SGCZ: variants seen among roughly 807,000 people sequenced by gnomAD.
SGCZ encodes sarcoglycan zeta, also known as zeta-sarcoglycan.
In SGCZ, 40 loss-of-function variants were observed where a neutral mutation model predicts 41.3. The observed-to-expected ratio is 0.97, with a 90% CI of 0.75 to 1.26. SGCZ has a LOEUF of 1.26. SGCZ is among the 50% of genes most tolerant of loss of function. SGCZ has a pLI of 0.00. For synonymous variants in SGCZ, 206 were observed against 137.5 expected, an observed-to-expected ratio of 1.50 and a Z score of -3.49; for missense variants, 552 against 369.8, an observed-to-expected ratio of 1.49 and a Z score of -4.04.
At chr8:14,476,266 A>G (rs1430313451) in intron 2 of SGCZ, among the ~76,000 whole-genome samples, 3 of 152,072 alleles carry the variant, frequency 2.0e-5, no homozygotes, top group Non-Finnish European at 4.4e-5. Context: ...GGTATCATCC[A>G]ACTCACTGGG....
chr8:14,606,728 C>A (rs1454195292), intron 1 of SGCZ, among the ~76,000 whole-genome samples: 1 of 152,138 alleles, frequency 6.6e-6, no homozygotes, highest in Non-Finnish European at 1.5e-5. Flanking sequence ...ACAGCAAAAT[C>A]CCTGGCACAT....
intron 1 of SGCZ, among the ~76,000 whole-genome samples, chr8:15,011,075 C>T (rs1157023386): frequency 6.6e-6 from 1 of 152,136 alleles, no homozygotes; most frequent in Non-Finnish European, 1.5e-5. Context: ...CCAAAATGGA[C>T]AAAGCCAATC....
At chr8:14,634,367 T>C (rs1201855413) in intron 1 of SGCZ, among the ~76,000 whole-genome samples, 1 of 151,878 alleles carries the variant, frequency 6.6e-6, no homozygotes, top group Non-Finnish European at 1.5e-5. Context: ...TTTTGTATTT[T>C]TTTTGTTCTG....
chr8:14,315,957 A>G (rs1161498516), intron 3 of SGCZ, among the ~76,000 whole-genome samples: 1 of 151,674 alleles, frequency 6.6e-6, no homozygotes, highest in East Asian at 1.9e-4. Context: ...GTAAAGGGAA[A>G]ATTTTGTACG....
chr8:14,137,729 G>C (rs1388421383), intron 5 of SGCZ, among the ~76,000 whole-genome samples: 1 of 152,174 alleles, frequency 6.6e-6, no homozygotes, highest in Non-Finnish European at 1.5e-5. Flanking sequence ...GTGATGGGGA[G>C]AATGGACCCA....
At chr8:14,277,966 C>A (rs1478842848) in intron 3 of SGCZ, among the ~76,000 whole-genome samples, 3 of 152,116 alleles carry the variant, frequency 2.0e-5, no homozygotes, top group Non-Finnish European at 4.4e-5. Flanking sequence ...CATGCCCAGA[C>A]AGAATTTTTA....
intron 4 of SGCZ, among the ~76,000 whole-genome samples, chr8:14,184,460 G>A (rs1804838318): frequency 6.6e-6 from 1 of 152,020 alleles, no homozygotes; most frequent in East Asian, 1.9e-4. Context: ...TATATTTCAG[G>A]CATTATTAGG....
chr8:14,364,364 G>A (rs572893728), intron 2 of SGCZ, among the ~76,000 whole-genome samples: 1 of 152,008 alleles, frequency 6.6e-6, no homozygotes, highest in East Asian at 1.9e-4. Context: ...TTTTTTTCTG[G>A]TCCACATACA....
intron 1 of SGCZ, among the ~76,000 whole-genome samples, chr8:14,599,133 C>T (rs1055654941): frequency 5.9e-5 from 9 of 152,150 alleles, no homozygotes; most frequent in African/African-American, 1.9e-4. Flanking sequence ...CATCTCCGTA[C>T]ATCAATTTCA....
intron 2 of SGCZ, among the ~76,000 whole-genome samples, chr8:14,360,088 A>C (rs1046102109): frequency 2.0e-5 from 3 of 152,114 alleles, no homozygotes; most frequent in African/African-American, 7.2e-5. Flanking sequence ...CACTCAAAAA[A>C]CTGGGTATAG....
At chr8:14,560,522 C>G (rs181941963) in intron 1 of SGCZ, among the ~76,000 whole-genome samples, 2 of 151,896 alleles carry the variant, frequency 1.3e-5, no homozygotes, top group Non-Finnish European at 1.5e-5. Flanking sequence ...GGAGACCTTC[C>G]CCTTGTAGAG....
At chr8:14,391,698 G>C (rs549972841) in intron 2 of SGCZ, among the ~76,000 whole-genome samples, 2 of 152,210 alleles carry the variant, frequency 1.3e-5, no homozygotes, top group South Asian at 4.1e-4. Context: ...TGACGAACGG[G>C]AGTGTTTTAG....
At chr8:14,871,888 GTATA>G (rs917772576) in intron 1 of SGCZ, among the ~76,000 whole-genome samples, 2 of 149,342 alleles carry the variant, frequency 1.3e-5, no homozygotes, top group African/African-American at 5.0e-5. Context: ...ATATATGTAT[GTATA>G]TATGTATGTA....
chr8:14,254,396 T>A (rs531703242), intron 3 of SGCZ, among the ~76,000 whole-genome samples: 3 of 152,250 alleles, frequency 2.0e-5, no homozygotes, highest in Non-Finnish European at 4.4e-5. Flanking sequence ...TGCCCTGCAC[T>A]GCTGGCACTG....
At chr8:14,422,112 T>A (rs186259480) in intron 2 of SGCZ, among the ~76,000 whole-genome samples, 141 of 152,290 alleles carry the variant, frequency 9.3e-4, no homozygotes, top group Non-Finnish European at 1.3e-3. Context: ...AACAGTGGGT[T>A]CATTCAAAAT....
intron 3 of SGCZ, among the ~76,000 whole-genome samples, chr8:14,280,637 T>C (rs768696640): frequency 6.6e-6 from 1 of 151,958 alleles, no homozygotes; most frequent in African/African-American, 2.4e-5. Flanking sequence ...TTTCTAAATA[T>C]TAAGAAATGG....
At chr8:15,122,606 C>G (rs189920316) in intron 1 of SGCZ, among the ~76,000 whole-genome samples, 1 of 152,094 alleles carries the variant, frequency 6.6e-6, no homozygotes, top group Admixed American at 6.6e-5. Flanking sequence ...TGGGAAATCA[C>G]GTTAACTGAA....
chr8:14,307,689 A>G (rs1801391970), intron 3 of SGCZ, among the ~76,000 whole-genome samples: 1 of 152,124 alleles, frequency 6.6e-6, no homozygotes, highest in Non-Finnish European at 1.5e-5. Flanking sequence ...GTTTTATTTT[A>G]TTATCTGATA....
intron 2 of SGCZ, among the ~76,000 whole-genome samples, chr8:14,467,633 T>C (rs1040973501): frequency 1.3e-5 from 2 of 152,060 alleles, no homozygotes; most frequent in African/African-American, 4.8e-5. Context: ...AAGTCTTTAA[T>C]AGACATCAGA....
Sources: gnomAD v4.1 joint callset for allele counts (sites outside exome capture counted in the v4.1 genomes callset) on GRCh38, gnomAD v4.1.1 for gene constraint, MANE v1.5 for transcripts, NCBI Gene and HGNC (gene_info 2026-07-23, HGNC 2026-07-21) for gene names.